The following NAALADL2 variants were observed in gnomAD, a reference collection of about 807,000 sequenced individuals.
The protein encoded by NAALADL2 is N-acetylated alpha-linked acidic dipeptidase like 2.
A neutral mutation model predicts 87.2 loss-of-function variants in NAALADL2; 76 were observed. That is an observed-to-expected ratio of 0.87 (90% CI 0.72 to 1.05). The LOEUF is 1.05. NAALADL2 is among the 50% of genes least tolerant of loss of function. The pLI, the probability that NAALADL2 is intolerant of heterozygous loss-of-function variation, is 0.00. For missense variants in NAALADL2, 1,089 were observed against 945.8 expected (o/e 1.15, Z -1.99); for synonymous variants, 354 against 331.0 (o/e 1.07, Z -0.75).
chr3:175,617,052 C>T (rs1282818033), intron 10 of NAALADL2, among the ~76,000 whole-genome samples: 1 of 152,054 alleles, frequency 6.6e-6, no homozygotes, highest in Non-Finnish European at 1.5e-5. Flanking sequence ...TAAAATATCC[C>T]CACCTAGCAG....
At chr3:175,601,624 C>T (rs1024052926) in intron 10 of NAALADL2, among the ~76,000 whole-genome samples, 2 of 152,140 alleles carry the variant, frequency 1.3e-5, no homozygotes, top group Admixed American at 1.3e-4. Context: ...ATCATACTAT[C>T]TCCCATAAAG....
chr3:175,175,181 C>G (rs2108945065), intron 2 of NAALADL2, among the ~76,000 whole-genome samples: 1 of 151,904 alleles, frequency 6.6e-6, no homozygotes, highest in East Asian at 1.9e-4. Flanking sequence ...ATCAATTACC[C>G]TTTTTCCAAG....
At chr3:175,312,087 C>A (rs1758448333) in intron 4 of NAALADL2, among the ~76,000 whole-genome samples, 1 of 152,134 alleles carries the variant, frequency 6.6e-6, no homozygotes. Context: ...ACACTGGAAT[C>A]TTACAAGAAT....
chr3:175,061,329 T>G (rs1269062439), intron 1 of NAALADL2, among the ~76,000 whole-genome samples: 1 of 152,172 alleles, frequency 6.6e-6, no homozygotes, highest in African/African-American at 2.4e-5. Context: ...ATAAGCAGAA[T>G]TATGATCAGC....
At chr3:175,436,420 C>T (rs1371816070) in intron 5 of NAALADL2, among the ~76,000 whole-genome samples, 4 of 147,456 alleles carry the variant, frequency 2.7e-5, no homozygotes, top group Non-Finnish European at 5.9e-5. Flanking sequence ...CCTGAGGAAT[C>T]GCCACACTGA....
At chr3:175,687,836 T>A (rs1427771364) in intron 11 of NAALADL2, among the ~76,000 whole-genome samples, 1 of 151,952 alleles carries the variant, frequency 6.6e-6, no homozygotes, top group African/African-American at 2.4e-5. Context: ...CTCCCCCACC[T>A]TTCTCTTGTT....
intron 9 of NAALADL2, among the ~76,000 whole-genome samples, chr3:175,498,177 A>G (rs151171969): frequency 6.6e-6 from 1 of 152,264 alleles, no homozygotes; most frequent in Non-Finnish European, 1.5e-5. Flanking sequence ...AAAACGAATG[A>G]AAGAATGCCT....
At chr3:174,605,448 C>T (rs561069012) in intron 2 of NAALADL2, among the ~76,000 whole-genome samples, 5 of 152,130 alleles carry the variant, frequency 3.3e-5, no homozygotes, top group South Asian at 2.1e-4. Context: ...CCTGGAAAAT[C>T]GGGTCACTCC....
At chr3:175,302,496 C>A (rs1757205537) in intron 4 of NAALADL2, among the ~76,000 whole-genome samples, 1 of 152,046 alleles carries the variant, frequency 6.6e-6, no homozygotes, top group East Asian at 1.9e-4. Context: ...TATATGCTTT[C>A]TTCGAGGAAA....
At chr3:174,808,459 T>C (rs1463553951) in intron 3 of NAALADL2, among the ~76,000 whole-genome samples, 5 of 152,154 alleles carry the variant, frequency 3.3e-5, no homozygotes, top group African/African-American at 1.2e-4. Context: ...TTTTAGAATA[T>C]TCCTCTTTAT....
intron 5 of NAALADL2, among the ~76,000 whole-genome samples, chr3:175,386,577 A>G (rs1768405144): frequency 6.6e-6 from 1 of 151,758 alleles, no homozygotes; most frequent in Admixed American, 6.6e-5. Flanking sequence ...ACAGTAGTCC[A>G]CCCTTATCCC....
chr3:175,535,870 A>G (rs1447725462), intron 9 of NAALADL2, among the ~76,000 whole-genome samples: 3 of 152,316 alleles, frequency 2.0e-5, no homozygotes, highest in African/African-American at 7.2e-5. Context: ...CTCAAGCAAT[A>G]TAAGTGCTTT....
chr3:175,517,013 C>A (rs932196824), intron 9 of NAALADL2, among the ~76,000 whole-genome samples: 1 of 152,150 alleles, frequency 6.6e-6, no homozygotes, highest in Admixed American at 6.5e-5. Flanking sequence ...TAAAATTCTT[C>A]AAGAACAACT....
chr3:175,632,140 G>C (rs1384403280), intron 11 of NAALADL2, among the ~76,000 whole-genome samples: 1 of 151,954 alleles, frequency 6.6e-6, no homozygotes, highest in African/African-American at 2.4e-5. Flanking sequence ...TAATTCCCAG[G>C]TGTTGCAGGA....
chr3:175,393,714 T>C (rs1048799892), intron 5 of NAALADL2, among the ~76,000 whole-genome samples: 1 of 152,076 alleles, frequency 6.6e-6, no homozygotes. Context: ...TACTTCAGAG[T>C]GTATTTGCTA....
intron 2 of NAALADL2, among the ~76,000 whole-genome samples, chr3:175,188,248 A>G (rs1737631601): frequency 6.6e-6 from 1 of 152,212 alleles, no homozygotes; most frequent in South Asian, 2.1e-4. Context: ...GAAAAATACT[A>G]TATAGATCTT....
At chr3:175,346,517 G>A (rs1763173923) in intron 5 of NAALADL2, among the ~76,000 whole-genome samples, 2 of 152,072 alleles carry the variant, frequency 1.3e-5, no homozygotes, top group Admixed American at 6.6e-5. Flanking sequence ...CCTAACAAAA[G>A]ATGCCCAGTG....
rs540256655 is a variant in NAALADL2 at position 175,186,812 on chromosome 3, A to T, written c.546-47119A>T. Reference sequence around the variant, plus strand: ...TCTTCCATCTCAGTAGGTGGTATACATTACAGATTCTGTTCAAACTAATTA... The same window carrying T: ...TCTTCCATCTCAGTAGGTGGTATACTTTACAGATTCTGTTCAAACTAATTA... On this transcript the variant is annotated intron_variant, in intron 2 of 13. Coordinates refer to ENST00000454872, the MANE Select transcript of NAALADL2 (RefSeq NM_207015.3). Among the ~76,000 whole-genome samples the T allele has an allele frequency of 1.4e-3, 209 of 152,210 alleles. 1 individual carries two copies. Among genetic ancestry groups the T allele is most frequent in the African/African-American group, 4.9e-3 (202 of 41,548 alleles).
At position 175,365,248 on chromosome 3, in the gene NAALADL2, C is replaced by A. The variant is rs1015547078; in HGVS notation, c.1090+40923C>A. On this transcript the variant is annotated intron_variant, in intron 5 of 13. Transcript: ENST00000454872. ...ATATGGAGAAAGATGAGTGTGTGGG[C>A]TACAGTAATGAGTTACAGCAATAAT... 1.4e-4 allele frequency among the ~76,000 whole-genome samples: 20 copies of A among 146,696 alleles called. 1 individual carries two copies. The highest frequency in any genetic ancestry group is 4.7e-4 in the African/African-American group (19 of 40,378).
Sources: gnomAD v4.1 joint callset for allele counts (sites outside exome capture counted in the v4.1 genomes callset) on GRCh38, gnomAD v4.1.1 for gene constraint, MANE v1.5 for transcripts, NCBI Gene and HGNC (gene_info 2026-07-23, HGNC 2026-07-21) for gene names.